The following MTSS1 variants were observed in gnomAD, a reference collection of about 807,000 sequenced individuals.
MTSS1 encodes protein MTSS 1.
MTSS1 carries 18 observed loss-of-function variants against 79.0 expected under a neutral mutation model. That is an observed-to-expected ratio of 0.23 (90% CI 0.16 to 0.34). The LOEUF is 0.34. Among genes scored for constraint, MTSS1 ranks in the 10% least tolerant of loss-of-function variants. The probability of loss-of-function intolerance (pLI) is 1.00; values close to 1 mark genes in which losing one functional copy is unlikely to be tolerated. For synonymous variants in MTSS1, 341 were observed against 368.6 expected (o/e 0.93, Z 0.86); for missense variants, 815 against 986.2 (o/e 0.83, Z 2.33).
At chr8:124,569,035 C>T (rs532601029) in intron 6 of MTSS1, among the ~76,000 whole-genome samples, 93 of 152,316 alleles carry the variant, frequency 6.1e-4, no homozygotes, top group Non-Finnish European at 1.2e-3. Flanking sequence ...GGCAAGCATC[C>T]GCTCTCCTGG....
At chr8:124,557,349 A>G (rs1020653218) in intron 11 of MTSS1, among the ~76,000 whole-genome samples, 1 of 152,166 alleles carries the variant, frequency 6.6e-6, no homozygotes, top group Non-Finnish European at 1.5e-5. Flanking sequence ...GGACCAACCC[A>G]TAGATTTCAA....
intron 3 of MTSS1, among the ~76,000 whole-genome samples, chr8:124,669,923 G>C (rs888258753): frequency 6.6e-6 from 1 of 152,098 alleles, no homozygotes; most frequent in African/African-American, 2.4e-5. Flanking sequence ...GCAAGCACAG[G>C]CTATTTTAAC....
At chr8:124,650,452 A>G (rs990678079) in intron 3 of MTSS1, among the ~76,000 whole-genome samples, 1 of 152,230 alleles carries the variant, frequency 6.6e-6, no homozygotes, top group African/African-American at 2.4e-5. Flanking sequence ...GAGATCATCC[A>G]TATATGGCGC....
intron 3 of MTSS1, among the ~76,000 whole-genome samples, chr8:124,666,456 A>C (rs1823099720): frequency 6.6e-6 from 1 of 152,148 alleles, no homozygotes; most frequent in African/African-American, 2.4e-5. Context: ...GAAACACAGG[A>C]ACAAAGACAA....
intron 3 of MTSS1, among the ~76,000 whole-genome samples, chr8:124,607,596 C>T (rs1222761029): frequency 6.6e-6 from 1 of 152,178 alleles, no homozygotes; most frequent in African/African-American, 2.4e-5. Context: ...CGTGACACGA[C>T]CAAAGTGCCC....
At chr8:124,579,349 T>A (rs6991135) in intron 6 of MTSS1, among the ~76,000 whole-genome samples, 6 of 151,962 alleles carry the variant, frequency 3.9e-5, no homozygotes, top group Admixed American at 2.0e-4. Context: ...AGGGTCAGCG[T>A]GGGTGGGGAG....
At chr8:124,598,057 A>G (rs1414725709) in intron 3 of MTSS1, among the ~76,000 whole-genome samples, 1 of 152,140 alleles carries the variant, frequency 6.6e-6, no homozygotes, top group Admixed American at 6.6e-5. Flanking sequence ...AGGATCACTT[A>G]AGTTTGGTCT....
rs563050515 is a variant in MTSS1, at chr8:124,643,420, C to CG, written c.209-52186dup. 3.8e-4 allele frequency among the ~76,000 whole-genome samples: 57 copies of CG among 151,954 alleles called. No individual in the cohort carries two copies. The East Asian group carries it at 0.011, about 28-fold the overall frequency. ...ATCATTTAAAAACAAAAATCTAGCCCGGCGCAGTGGCTCATGCCTGTAATC... is the reference window on the plus strand; with the variant it reads ...ATCATTTAAAAACAAAAATCTAGCCCGGGCGCAGTGGCTCATGCCTGTAATC... On this transcript the variant is annotated intron_variant, in intron 3 of 13. Transcript: ENST00000518547.
At chr8:124,571,262 G>C (rs1827710014) in intron 6 of MTSS1, among the ~76,000 whole-genome samples, 1 of 152,230 alleles carries the variant, frequency 6.6e-6, no homozygotes, top group African/African-American at 2.4e-5. Flanking sequence ...GGAAGGCTGG[G>C]TGCCACCAGC....
chr8:124,621,930 G>A lies in MTSS1; in HGVS notation c.209-30695C>T, dbSNP rs569935755. ...ACCAGAAAGTGGGTTCTGGGCACTT[G>A]AACCATCCGTTTCAGGTTTGGGTTT... On this transcript the variant is annotated intron_variant, in intron 3 of 13. Transcript: ENST00000518547. Among the ~76,000 whole-genome samples the A allele has an allele frequency of 2.0e-5, 3 of 152,196 alleles. No homozygotes were observed. The East Asian group carries it at 5.8e-4, about 29-fold the overall frequency.
chr8:124,558,878 CCA>C (rs1245819619), intron 10 of MTSS1: 2 of 1,504,354 alleles, frequency 1.3e-6, no homozygotes, highest in African/African-American at 2.8e-5. Context: ...AGAAACCGAG[CCA>C]CACACCACCA....
At chr8:124,621,095 C>G (rs1189499859) in intron 3 of MTSS1, among the ~76,000 whole-genome samples, 1 of 152,172 alleles carries the variant, frequency 6.6e-6, no homozygotes, top group African/African-American at 2.4e-5. Context: ...CTCTTCCTTC[C>G]CACGCATCCC....
At chr8:124,600,380 G>T (rs895575804) in intron 3 of MTSS1, among the ~76,000 whole-genome samples, 1 of 152,184 alleles carries the variant, frequency 6.6e-6, no homozygotes, top group African/African-American at 2.4e-5. Context: ...TTTAACAACA[G>T]TATGTGCAAC....
At chr8:124,558,882 A>T in intron 10 of MTSS1, 1 of 1,505,256 alleles carries the variant, frequency 6.6e-7, no homozygotes, top group Non-Finnish European at 8.9e-7. Context: ...ACCGAGCCAC[A>T]CACCACCAAA....
rs536606921 is a variant in MTSS1, at chr8:124,626,736, T to C, written c.209-35501A>G. Reference sequence around the variant, plus strand: ...ATGATTACGGTGCAGTGAGGACCAATCAGCAGGCCGCTACAAGTTCTGTCT... The same window carrying C: ...ATGATTACGGTGCAGTGAGGACCAACCAGCAGGCCGCTACAAGTTCTGTCT... On this transcript the variant is annotated intron_variant, in intron 3 of 13. Coordinates refer to ENST00000518547, the MANE Select transcript of MTSS1 (RefSeq NM_014751.6). 2.7e-3 allele frequency among the ~76,000 whole-genome samples: 416 copies of C among 152,034 alleles called. 1 individual carries two copies. Among genetic ancestry groups the C allele is most frequent in the Non-Finnish European group, 4.2e-3 (284 of 67,962 alleles).
intron 1 of MTSS1, among the ~76,000 whole-genome samples, chr8:124,704,461 T>C (rs543133827): frequency 1.3e-5 from 2 of 152,328 alleles, no homozygotes; most frequent in African/African-American, 4.8e-5. Context: ...AGTTGGTAGA[T>C]GGTGGGTCCA....
chr8:124,620,606 G>C (rs1009795926), intron 3 of MTSS1, among the ~76,000 whole-genome samples: 1 of 152,018 alleles, frequency 6.6e-6, no homozygotes, highest in African/African-American at 2.4e-5. Flanking sequence ...CCATCAAATG[G>C]TACAAGCAGC....
intron 3 of MTSS1, among the ~76,000 whole-genome samples, chr8:124,653,066 A>T (rs1169223553): frequency 6.6e-6 from 1 of 152,190 alleles, no homozygotes; most frequent in Non-Finnish European, 1.5e-5. Context: ...AAACATATTC[A>T]CTTCCGTGGC....
intron 1 of MTSS1, among the ~76,000 whole-genome samples, chr8:124,717,051 T>C (rs2135717781): frequency 6.9e-6 from 1 of 145,826 alleles, no homozygotes; most frequent in Admixed American, 6.8e-5. Flanking sequence ...ATGAGGGAGG[T>C]ACTGGCTTCT....
Sources: allele counts gnomAD v4.1 joint callset (sites outside exome capture counted in the v4.1 genomes callset), GRCh38; gene constraint gnomAD v4.1.1; transcripts MANE v1.5; gene names NCBI Gene and HGNC (gene_info 2026-07-23, HGNC 2026-07-21).